The following TONSL variants were observed in gnomAD, a reference collection of about 807,000 sequenced individuals.
The protein encoded by TONSL is tonsoku like, DNA repair protein.
A neutral mutation model predicts 147.1 loss-of-function variants in TONSL; 112 were observed. The observed-to-expected ratio is 0.76, with a 90% CI of 0.65 to 0.89. TONSL has a LOEUF of 0.89. Ranked by LOEUF, TONSL falls within the 40% of genes least tolerant of loss-of-function variation. TONSL has a pLI of 0.00. For missense variants in TONSL, 1,883 were observed against 1,864.6 expected (o/e 1.01, Z -0.18); for synonymous variants, 868 against 801.5 (o/e 1.08, Z -1.40).
At position 144,436,412 on chromosome 8, in the gene TONSL, TG is replaced by T; in HGVS notation, c.2020del (p.His674ThrfsTer22). The T allele has an allele frequency of 4.6e-6, 7 of 1,513,100 alleles. No individual in the cohort carries two copies. The highest frequency in any genetic ancestry group is 5.3e-6 in the Non-Finnish European group (6 of 1,136,118). 93.7% of individuals were successfully genotyped at this position (1,513,100 alleles called of 1,614,324 possible). A position where few individuals can be genotyped will look rare whatever the true frequency, so the allele number is the denominator to read the frequency against. Reference protein sequence around the residue: ...LQAAASGQDPHSSQAFHTPSS... With the variant: ...LQAAASGQDPXSSQAFHTPSS... ...TGGGGTGTGGAAGGCCTGGGAGCTG[TG>T]GGGATCTGTGGGAGAGAGAATGCGT... On this transcript the variant is annotated frameshift_variant, in exon 17 of 26. Coordinates refer to ENST00000409379, the MANE Select transcript of TONSL (RefSeq NM_013432.5). LOFTEE classifies it high-confidence loss of function.
rs1459866645 is a variant in TONSL at position 144,430,537 on chromosome 8, T to G, written c.3810A>C (p.Arg1270Ser). 1.2e-6 allele frequency: 2 copies of G among 1,607,776 alleles called. No individual in the cohort carries two copies. Among genetic ancestry groups the G allele is most frequent in the African/African-American group, 1.3e-5 (1 of 74,660 alleles). The change falls in exon 25 of 26, where the codon AGA becomes AGC. Residue 1270 changes from arginine to serine, a missense_variant and splice_region_variant. Transcript: ENST00000409379. ...TGAGTGAGGGGCACAGAGAGAGACA[T>G]CTGAGATAACATGGGAAGAAGTGCA... Reference protein sequence around the residue: ...LGDKAVRDLCRCLSLCPSLIS... With the variant: ...LGDKAVRDLCSCLSLCPSLIS...
In TONSL at chr8:144,436,939, A is replaced by C; in HGVS notation, c.1727-19T>G. On this transcript the variant is annotated intron_variant, in intron 14 of 25. Transcript: ENST00000409379. Reference sequence around the variant, plus strand: ...ACAATTTCTGCAGACCAGGAGACGTAAGCCCAGCTCCCGATGCCCCGCCAG... The same window carrying C: ...ACAATTTCTGCAGACCAGGAGACGTCAGCCCAGCTCCCGATGCCCCGCCAG... The C allele has an allele frequency of 6.2e-7, 1 of 1,610,404 alleles. No individual in the cohort carries two copies. The highest frequency in any genetic ancestry group is 1.7e-5 in the Admixed American group (1 of 60,004).
intron 13 of TONSL, chr8:144,438,115 G>A: frequency 3.4e-6 from 1 of 295,034 alleles, no homozygotes; most frequent in South Asian, 5.2e-5. Flanking sequence ...TGCCCAGGCT[G>A]GTCTCGAACT....
At position 144,443,329 on chromosome 8, in the gene TONSL, T is replaced by C. The variant is rs1344525562; in HGVS notation, c.265-8A>G. ...CAGGTACTGGTGCTGGTGCTGAGTG[T>C]GGAAGGAAGTCACTGCTGTGAGCCG... On this transcript the variant is annotated splice_region_variant and splice_polypyrimidine_tract_variant and intron_variant, in intron 3 of 25. Transcript: ENST00000409379. 1 of 1,545,334 alleles carries C rather than the reference T, an allele frequency of 6.5e-7. No individual in the cohort carries two copies. The highest frequency in any genetic ancestry group is 2.5e-5 in the East Asian group (1 of 40,722).
In TONSL at chr8:144,443,894, C is replaced by T; in HGVS notation, c.252G>A (p.Pro84=). The T allele has an allele frequency of 1.3e-6, 2 of 1,545,574 alleles. No individual in the cohort carries two copies. Among genetic ancestry groups the T allele is most frequent in the Non-Finnish European group, 1.7e-6 (2 of 1,146,632 alleles). The stretch of plus-strand genomic sequence containing the variant: ...AGGGCGCCCGCACCTGCAAGGCAGC[C>T]GGGTAGTCCTCCATCTCGGCCAGGC... ...GERLAEMEDY[P]AALQHQHQYL... is the part of the protein sequence containing the mutation. The change falls in exon 3 of 26, where the codon CCG becomes CCA. Residue 84 remains proline (P), a synonymous_variant. Transcript: ENST00000409379.
At chr8:144,432,863 C>A in intron 22 of TONSL, 1 of 168,014 alleles carries the variant, frequency 6.0e-6, no homozygotes, top group Non-Finnish European at 1.3e-5. Flanking sequence ...AGTGGAACTG[C>A]CTCAGGCGAA....
At position 144,440,886 on chromosome 8, in the gene TONSL, G is replaced by T. The variant is rs772021644; in HGVS notation, c.1012-16C>A. The T allele has an allele frequency of 6.2e-7, 1 of 1,612,638 alleles. No individual in the cohort carries two copies. The highest frequency in any genetic ancestry group is 1.7e-5 in the Admixed American group (1 of 60,012). On this transcript the variant is annotated splice_polypyrimidine_tract_variant and intron_variant, in intron 8 of 25. Transcript: ENST00000409379. ...CAAAACGCAGCTGGGGGCAGTGCCAGTGAGGCCAGGGGCTGCCACCCTGGC... is the reference window on the plus strand; with the variant it reads ...CAAAACGCAGCTGGGGGCAGTGCCATTGAGGCCAGGGGCTGCCACCCTGGC...
intron 25 of TONSL, among the ~76,000 whole-genome samples, chr8:144,430,202 C>T (rs1172988349): frequency 2.0e-5 from 3 of 152,188 alleles, no homozygotes; most frequent in Non-Finnish European, 1.5e-5. Context: ...CCACCTCGCC[C>T]CCTAACCCAT....
chr8:144,437,707 G>A (rs140825433), intron 13 of TONSL: 2,724 of 154,360 alleles, frequency 0.018, 82 homozygotes, highest in African/African-American at 0.062. Flanking sequence ...AGGTTCAAGC[G>A]ATTCTCCTGC....
rs774478220 is a variant in TONSL, at chr8:144,441,027, A to G, written c.950T>C (p.Leu317Pro). The G allele has an allele frequency of 1.2e-6, 2 of 1,613,110 alleles. No homozygotes were observed. Among genetic ancestry groups the G allele is most frequent in the Non-Finnish European group, 8.5e-7 (1 of 1,180,006 alleles). The change falls in exon 8 of 26, where the codon CTA (leucine) becomes CCA (proline). Residue 317 changes from leucine (L) to proline (P), a missense_variant. Coordinates refer to ENST00000409379, the MANE Select transcript of TONSL (RefSeq NM_013432.5). ...PQGAMVICEQLGDLFSKAGDF... is the reference protein window; with the variant it reads ...PQGAMVICEQPGDLFSKAGDF... The stretch of plus-strand genomic sequence containing the variant: ...TCCTGCCTTGGAGAAGAGGTCCCCT[A>G]GCTGCTCACAGATGACCATGGCACC...
Position 144,444,170 on chromosome 8 carries a change from C to G in TONSL, c.121+10G>C. ...GGCCCTGCCTCCCGCCTCCTGGTCC[C>G]GGCGCTCACCATGGCCGGCCAGGAG... On this transcript the variant is annotated intron_variant, in intron 2 of 25. Transcript: ENST00000409379. 1 of 1,433,782 alleles carries G rather than the reference C, an allele frequency of 7.0e-7. No individual in the cohort carries two copies. The highest frequency in any genetic ancestry group is 9.1e-7 in the Non-Finnish European group (1 of 1,095,418). 88.8% of individuals were successfully genotyped at this position (1,433,782 alleles called of 1,614,324 possible).
At chr8:144,433,282 T>C in intron 22 of TONSL, 1 of 259,004 alleles carries the variant, frequency 3.9e-6, no homozygotes, top group Non-Finnish European at 7.5e-6. Context: ...TTCACCGTGT[T>C]AGCCAGGATG....
rs777989938 is a variant in TONSL at position 144,436,704 on chromosome 8, G to A, written c.1891-23C>T. The A allele has an allele frequency of 2.4e-5, 38 of 1,611,350 alleles. No individual in the cohort carries two copies. In the South Asian group the frequency reaches 3.5e-4, roughly 15 times the overall value. The stretch of plus-strand genomic sequence containing the variant: ...GCCCTGTGTGGCATCAGTTGAGCAG[G>A]GGCACAGCAGCCCCCATAACCTCGC... On this transcript the variant is annotated intron_variant, in intron 15 of 25. Coordinates refer to ENST00000409379, the MANE Select transcript of TONSL (RefSeq NM_013432.5).
At chr8:144,429,814 G>A (rs913781351) in intron 25 of TONSL, among the ~76,000 whole-genome samples, 1 of 152,110 alleles carries the variant, frequency 6.6e-6, no homozygotes, top group Non-Finnish European at 1.5e-5. Context: ...AAGGGGAGGG[G>A]GCACAGGAAG....
rs782221645 is a variant in TONSL at position 144,430,574 on chromosome 8, C to T, written c.3810-37G>A. On this transcript the variant is annotated intron_variant, in intron 24 of 25. Transcript: ENST00000409379. The stretch of plus-strand genomic sequence containing the variant: ...TGGGAAGAAGTGCAAAGGTTGGCTT[C>T]CAGAGAGGCTGTGCCCCAACACTAG... 20 of 1,578,972 alleles carry T rather than the reference C, an allele frequency of 1.3e-5. No homozygotes were observed. The Admixed American group carries it at 2.5e-4, about 19-fold the overall frequency.
intron 25 of TONSL, among the ~76,000 whole-genome samples, 153 bp downstream of exon 25, chr8:144,430,251 G>A (rs1251741944): frequency 6.6e-6 from 1 of 152,170 alleles, no homozygotes; most frequent in Admixed American, 6.5e-5. Context: ...TTCTGTCACT[G>A]TCACTCTGCC....
intron 11 of TONSL, 180 bp downstream of exon 11, chr8:144,439,840 GC>G: frequency 1.8e-6 from 1 of 554,018 alleles, no homozygotes; most frequent in Admixed American, 3.7e-5. Flanking sequence ...GGCCAAGGCC[GC>G]CCCAGGCTCC....
At position 144,438,642 on chromosome 8, in the gene TONSL, A is replaced by G; in HGVS notation, c.1563+11T>C. The stretch of plus-strand genomic sequence containing the variant: ...TGAGCGGGGTGGGTGGGGGCAGGGC[A>G]CTGTCCTCACCTTGCTCCCCTTCCG... On this transcript the variant is annotated intron_variant, in intron 12 of 25. Coordinates refer to ENST00000409379, the MANE Select transcript of TONSL (RefSeq NM_013432.5). 1.2e-6 allele frequency: 2 copies of G among 1,612,746 alleles called. No individual in the cohort carries two copies. The highest frequency in any genetic ancestry group is 1.7e-6 in the Non-Finnish European group (2 of 1,179,814).
intron 13 of TONSL, 95 bp from the exon 14 acceptor site, chr8:144,437,194 C>T: frequency 7.8e-7 from 1 of 1,288,322 alleles, no homozygotes; most frequent in Non-Finnish European, 1.1e-6. Context: ...CCCAGGGCCT[C>T]AGTCTTAGAG....
Sources: gnomAD v4.1 joint callset for allele counts (sites outside exome capture counted in the v4.1 genomes callset) on GRCh38, gnomAD v4.1.1 for gene constraint, MANE v1.5 for transcripts, NCBI Gene and HGNC (gene_info 2026-07-23, HGNC 2026-07-21) for gene names.